GGT1: variants seen among roughly 807,000 people sequenced by gnomAD.
GGT1 encodes glutathione hydrolase 1 proenzyme.
Under a neutral mutation model 56.0 loss-of-function variants are expected in GGT1, and 21 were observed. The ratio of observed to expected loss-of-function variants is 0.38; its 90% CI spans 0.27 to 0.54. The LOEUF (loss-of-function observed/expected upper bound fraction) is 0.54, where lower values mean the gene tolerates loss of function less well. GGT1 is among the 20% of genes least tolerant of loss of function. GGT1 has a pLI of 0.82. For synonymous variants in GGT1, 238 were observed against 342.6 expected (o/e 0.69, Z 3.37); for missense variants, 466 against 787.0 (o/e 0.59, Z 4.88).
rs750066232 is a variant in GGT1 at position 24,628,096 on chromosome 22, C to T, written c.1352C>T (p.Ser451Leu). The T allele has an allele frequency of 3.3e-5, 53 of 1,611,856 alleles. No homozygotes were observed. Among genetic ancestry groups the T allele is most frequent in the South Asian group, 2.5e-4 (23 of 90,988 alleles). ...NFIQPGKQPLSSMCPTIMVGQ... is the reference protein window; with the variant it reads ...NFIQPGKQPLLSMCPTIMVGQ... ...TCGGCCGCAGGGAAGCAGCCGCTCT[C>T]GTCCATGTGCCCGACGATCATGGTG... The change falls in exon 14 of 16, where the codon TCG (serine) becomes TTG (leucine). Residue 451 changes from serine to leucine, a missense_variant. Coordinates refer to ENST00000400382, the MANE Select transcript of GGT1 (RefSeq NM_001288833.2). This position sits in a 1 kb window ranked among gnomAD's most constrained non-coding sequence, Gnocchi z 5.7.
intron 6 of GGT1, 45 bp downstream of exon 6, chr22:24,614,951 G>A: frequency 6.3e-7 from 1 of 1,593,896 alleles, no homozygotes; most frequent in East Asian, 2.3e-5. Context: ...GGGGGTGTGG[G>A]TTGGGCCGAG....
In GGT1 at chr22:24,612,774, G is replaced by GC. The variant is rs368803192; in HGVS notation, c.164+1531dup. 5.0e-3 allele frequency among the ~76,000 whole-genome samples: 761 copies of GC among 152,166 alleles called. 7 individuals are homozygous for GC. The highest frequency in any genetic ancestry group is 0.017 in the African/African-American group (724 of 41,496). ...ACTCCTGACCTCAGGTGATCCGCCT[G>GC]CCTTGGCCTCCCAAAGTGCTGGGAT... On this transcript the variant is annotated intron_variant, in intron 5 of 15. Coordinates refer to ENST00000400382, the MANE Select transcript of GGT1 (RefSeq NM_001288833.2).
upstream of GGT1, among the ~76,000 whole-genome samples, chr22:24,590,439 G>C (rs2045535596): frequency 6.6e-6 from 1 of 152,170 alleles, no homozygotes; most frequent in East Asian, 1.9e-4. Flanking sequence ...GATAAGTAGA[G>C]GGGAGGGACA....
At position 24,628,661 on chromosome 22, in the gene GGT1, T is replaced by C. The variant is rs1444028490; in HGVS notation, c.1564-32T>C. 1 of 1,610,986 alleles carries C rather than the reference T, an allele frequency of 6.2e-7. No homozygotes were observed. Among genetic ancestry groups the C allele is most frequent in the East Asian group, 2.2e-5 (1 of 44,888 alleles). ...GTGGTTCAGGTGGCATCTGGAGCCCTGCTCAGGCTTCCCCTCTCCTCCCAC... is the reference window on the plus strand; with the variant it reads ...GTGGTTCAGGTGGCATCTGGAGCCCCGCTCAGGCTTCCCCTCTCCTCCCAC... On this transcript the variant is annotated intron_variant, in intron 15 of 15. Coordinates refer to ENST00000400382, the MANE Select transcript of GGT1 (RefSeq NM_001288833.2). This position sits in a 1 kb window ranked among gnomAD's most constrained non-coding sequence, Gnocchi z 5.7.
At chr22:24,625,731 G>C (rs562849354) in intron 11 of GGT1, among the ~76,000 whole-genome samples, 4 of 151,064 alleles carry the variant, frequency 2.6e-5, no homozygotes, top group South Asian at 4.2e-4. Flanking sequence ...TTAGTAGAGA[G>C]GGGGTTTCAC....
At chr22:24,622,420 C>T (rs2047482307) in intron 9 of GGT1, among the ~76,000 whole-genome samples, 1 of 151,970 alleles carries the variant, frequency 6.6e-6, no homozygotes, top group Non-Finnish European at 1.5e-5. Context: ...AAAAATTAGC[C>T]ACGTGTGGTG....
intron 1 of GGT1, among the ~76,000 whole-genome samples, chr22:24,595,774 C>T (rs2045682863): frequency 6.6e-6 from 1 of 152,220 alleles, no homozygotes; most frequent in Non-Finnish European, 1.5e-5. Context: ...AACACAAGGT[C>T]CAGCTGGCCC....
At chr22:24,616,981 T>C (rs917366769) in intron 7 of GGT1, among the ~76,000 whole-genome samples, 1 of 152,216 alleles carries the variant, frequency 6.6e-6, no homozygotes, top group African/African-American at 2.4e-5. Flanking sequence ...CTTGAATGTA[T>C]TGAGTATTCT....
intron 1 of GGT1, among the ~76,000 whole-genome samples, chr22:24,603,798 G>T (rs1424930995): frequency 2.6e-5 from 4 of 151,384 alleles, no homozygotes; most frequent in Non-Finnish European, 5.9e-5. Flanking sequence ...CCAGAGCTGT[G>T]ATGGGGTTGG....
chr22:24,620,672 G>A lies in GGT1; in HGVS notation c.575+152G>A. The A allele has an allele frequency of 6.8e-7, 1 of 1,464,706 alleles. No homozygotes were observed. The highest frequency in any genetic ancestry group is 9.0e-7 in the Non-Finnish European group (1 of 1,106,958). The allele number at this position is 1,464,706 out of a possible 1,614,324, so 90.7% of individuals were successfully genotyped here. A position where few individuals can be genotyped will look rare whatever the true frequency, so the allele number is the denominator to read the frequency against. ...TACAGACCCTTCCCACCACGTGTGG[G>A]GACACATTCTGAGCGTGGGGTCCCA... On this transcript the variant is annotated intron_variant, in intron 8 of 15. Transcript: ENST00000400382. The surrounding 1 kb of genome is among the most constrained non-coding windows in gnomAD (Gnocchi z 5.6).
chr22:24,601,345 G>GT (rs2045779338), upstream of GGT1, among the ~76,000 whole-genome samples: 1 of 148,864 alleles, frequency 6.7e-6, no homozygotes, highest in Admixed American at 6.7e-5. Context: ...GGTGATTGCT[G>GT]GTATTCAGTG....
chr22:24,624,426 C>T (rs201459941), intron 11 of GGT1: 3 of 984,604 alleles, frequency 3.0e-6, no homozygotes, highest in Non-Finnish European at 3.6e-6. Context: ...ATCCTCACAT[C>T]CCTCCTTACC....
upstream of GGT1, chr22:24,590,014 G>A: frequency 6.8e-7 from 1 of 1,477,434 alleles, no homozygotes; most frequent in East Asian, 2.6e-5. Context: ...CACCACCCCA[G>A]CCAGCCAGAT....
intron 11 of GGT1, among the ~76,000 whole-genome samples, chr22:24,625,823 C>T (rs560354501): frequency 0.014 from 2,058 of 150,666 alleles, 55 homozygotes; most frequent in African/African-American, 0.048. Context: ...GCCACCGTGC[C>T]TGGCCTGTTT....
chr22:24,588,662 A>G, the GGT1 span: 1 of 1,132,494 alleles, frequency 8.8e-7, no homozygotes. Context: ...CACCCTCAGC[A>G]CCCTTCGGGG....
intron 1 of GGT1, among the ~76,000 whole-genome samples, chr22:24,604,081 C>T (rs950389131): frequency 2.0e-5 from 3 of 151,920 alleles, no homozygotes; most frequent in Non-Finnish European, 2.9e-5. Flanking sequence ...TCCAACTCCA[C>T]GTCTGGGTAG....
At chr22:24,608,765 C>A (rs1395744119) in intron 2 of GGT1, among the ~76,000 whole-genome samples, 2 of 152,206 alleles carry the variant, frequency 1.3e-5, no homozygotes, top group Non-Finnish European at 2.9e-5. Context: ...TCAAGCAATT[C>A]TCCTGCCTCA....
intron 9 of GGT1, among the ~76,000 whole-genome samples, chr22:24,621,676 A>G (rs2047418491): frequency 6.6e-6 from 1 of 152,178 alleles, no homozygotes; most frequent in South Asian, 2.1e-4. Context: ...CAGGAGAATT[A>G]AGAGCCTCCC....
At chr22:24,591,280 T>G (rs2045559317), upstream of GGT1, among the ~76,000 whole-genome samples, 1 of 152,220 alleles carries the variant, frequency 6.6e-6, no homozygotes, top group South Asian at 2.1e-4. Context: ...GGTTTCTCCA[T>G]GTTGGTCAGG....
Sources: gnomAD v4.1 joint callset for allele counts (sites outside exome capture counted in the v4.1 genomes callset) on GRCh38, gnomAD v4.1.1 for gene constraint, Gnocchi (gnomAD v3.1) non-coding constraint, MANE v1.5 for transcripts, NCBI Gene and HGNC (gene_info 2026-07-23, HGNC 2026-07-21) for gene names.